CSMD1: variants seen among roughly 807,000 people sequenced by gnomAD.
The protein encoded by CSMD1 is CUB and Sushi multiple domains 1, also known as CUB and sushi domain-containing protein 1.
A neutral mutation model predicts 417.5 loss-of-function variants in CSMD1; 213 were observed. That is an observed-to-expected ratio of 0.51 (90% CI 0.46 to 0.57). The LOEUF (loss-of-function observed/expected upper bound fraction) is 0.57. Among genes scored for constraint, CSMD1 ranks in the 20% least tolerant of loss-of-function variants. The pLI, the probability that CSMD1 is intolerant of heterozygous loss-of-function variation, is 0.00. For missense variants in CSMD1, 6,923 were observed against 4,529.7 expected, an observed-to-expected ratio of 1.53 and a Z score of -15.17; for synonymous variants, 2,862 against 1,736.8, an observed-to-expected ratio of 1.65 and a Z score of -16.11.
chr8:4,569,647 G>A (rs1441627447), intron 2 of CSMD1, among the ~76,000 whole-genome samples: 1 of 151,862 alleles, frequency 6.6e-6, no homozygotes, highest in Non-Finnish European at 1.5e-5. Context: ...GGTTCCACAT[G>A]ACCTTTAGTT....
At chr8:4,013,082 A>T (rs1035967418) in intron 4 of CSMD1, among the ~76,000 whole-genome samples, 1 of 152,054 alleles carries the variant, frequency 6.6e-6, no homozygotes, top group Non-Finnish European at 1.5e-5. Context: ...AGCCAGAGTA[A>T]TCCTCTCAAA....
At chr8:4,618,080 T>C (rs977007846) in intron 2 of CSMD1, among the ~76,000 whole-genome samples, 1 of 152,198 alleles carries the variant, frequency 6.6e-6, no homozygotes, top group Non-Finnish European at 1.5e-5. Context: ...TCATGCTGAA[T>C]TTTTTGGTAC....
intron 3 of CSMD1, among the ~76,000 whole-genome samples, chr8:4,390,378 A>G (rs1803760141): frequency 1.3e-5 from 2 of 152,310 alleles, no homozygotes; most frequent in South Asian, 4.1e-4. Flanking sequence ...TGGGAGATCT[A>G]AAATGTTGTC....
chr8:3,201,199 T>C (rs75754903), intron 32 of CSMD1, among the ~76,000 whole-genome samples: 327 of 152,288 alleles, frequency 2.1e-3, no homozygotes, highest in Non-Finnish European at 3.6e-3. Context: ...CGTGTACATG[T>C]GTGGCTATTA....
At chr8:4,172,985 T>C (rs979514216) in intron 3 of CSMD1, among the ~76,000 whole-genome samples, 2 of 152,152 alleles carry the variant, frequency 1.3e-5, no homozygotes, top group African/African-American at 4.8e-5. Context: ...CTCAGATTCC[T>C]GACCCACAGA....
chr8:4,111,529 T>C (rs6986198), intron 3 of CSMD1, among the ~76,000 whole-genome samples: 3 of 152,120 alleles, frequency 2.0e-5, no homozygotes, highest in African/African-American at 7.2e-5. Context: ...CAAACGCCCA[T>C]CACTGATAGA....
intron 3 of CSMD1, among the ~76,000 whole-genome samples, chr8:4,151,147 A>G (rs936833108): frequency 6.6e-6 from 1 of 152,220 alleles, no homozygotes; most frequent in Admixed American, 6.5e-5. Context: ...ATACATTAGA[A>G]GAGCCAATCT....
chr8:3,550,969 T>G (rs1335637035), intron 10 of CSMD1, among the ~76,000 whole-genome samples: 6 of 151,120 alleles, frequency 4.0e-5, no homozygotes, highest in Non-Finnish European at 8.8e-5. Context: ...CTACTCAACT[T>G]GAAGTGAACA....
At chr8:2,976,430 G>T (rs944867338) in intron 55 of CSMD1, among the ~76,000 whole-genome samples, 3 of 152,070 alleles carry the variant, frequency 2.0e-5, no homozygotes, top group African/African-American at 7.2e-5. Flanking sequence ...TGGTGCAATC[G>T]TAACTCCTGG....
In CSMD1 at chr8:3,595,732, T is replaced by C. The variant is rs544335273; in HGVS notation, c.1098-9472A>G. On this transcript the variant is annotated intron_variant, in intron 8 of 69. Transcript: ENST00000635120. ...AATTTGATTTAAATGTTCCAAGTTA[T>C]GTTATAAGTTCATGTAAACCTGCCA... 5.3e-5 allele frequency among the ~76,000 whole-genome samples: 8 copies of C among 152,336 alleles called. No homozygotes were observed. In the East Asian group the frequency reaches 1.5e-3, roughly 29 times the overall value.
intron 1 of CSMD1, among the ~76,000 whole-genome samples, chr8:4,901,692 C>A (rs370080009): frequency 6.6e-5 from 10 of 152,252 alleles, no homozygotes; most frequent in African/African-American, 2.4e-4. Flanking sequence ...TGGCAGTATG[C>A]ATACTAGCAT....
chr8:4,575,656 G>C (rs1172938307), intron 2 of CSMD1, among the ~76,000 whole-genome samples: 1 of 152,058 alleles, frequency 6.6e-6, no homozygotes, highest in Non-Finnish European at 1.5e-5. Flanking sequence ...CCTATACAAA[G>C]GAATAAAATT....
intron 5 of CSMD1, among the ~76,000 whole-genome samples, chr8:3,839,108 T>C (rs1802926495): frequency 8.2e-6 from 1 of 121,300 alleles, no homozygotes; most frequent in African/African-American, 3.0e-5. Context: ...AGCCTATATA[T>C]ATAGTCTATA....
chr8:3,970,463 T>C (rs1242281457), intron 5 of CSMD1, among the ~76,000 whole-genome samples: 2 of 152,186 alleles, frequency 1.3e-5, no homozygotes, highest in African/African-American at 2.4e-5. Flanking sequence ...TCTTGTCTCT[T>C]CTGTAAACCA....
chr8:3,417,059 G>T (rs17066077), intron 12 of CSMD1, among the ~76,000 whole-genome samples: 1 of 152,096 alleles, frequency 6.6e-6, no homozygotes, highest in East Asian at 1.9e-4. Flanking sequence ...ATCACACCAC[G>T]TTCTGCTCCC....
intron 6 of CSMD1, among the ~76,000 whole-genome samples, chr8:3,723,031 C>T (rs1201735742): frequency 6.6e-6 from 1 of 152,194 alleles, no homozygotes; most frequent in Non-Finnish European, 1.5e-5. Flanking sequence ...TGAGCTGGGT[C>T]TAACACTCAA....
At chr8:3,454,530 T>C (rs537823836) in intron 12 of CSMD1, among the ~76,000 whole-genome samples, 2 of 152,274 alleles carry the variant, frequency 1.3e-5, no homozygotes, top group South Asian at 4.1e-4. Context: ...TCTCTCAGCA[T>C]TTGCTTGTCT....
intron 1 of CSMD1, among the ~76,000 whole-genome samples, chr8:4,771,847 T>C (rs899689127): frequency 1.3e-5 from 2 of 152,196 alleles, no homozygotes; most frequent in African/African-American, 4.8e-5. Flanking sequence ...TGTTGTGGTT[T>C]TAATCCACGA....
intron 3 of CSMD1, among the ~76,000 whole-genome samples, chr8:4,039,977 G>C (rs538887874): frequency 1.3e-5 from 2 of 152,160 alleles, no homozygotes. Flanking sequence ...TCACAAATCA[G>C]GGCACTCGGT....
Sources: allele counts gnomAD v4.1 joint callset (sites outside exome capture counted in the v4.1 genomes callset), GRCh38; gene constraint gnomAD v4.1.1; transcripts MANE v1.5; gene names NCBI Gene and HGNC (gene_info 2026-07-23, HGNC 2026-07-21).